Variants in SIPA1L1 observed in about 807,000 individuals in gnomAD.
SIPA1L1 encodes signal induced proliferation associated 1 like 1.
A neutral mutation model predicts 162.7 loss-of-function variants in SIPA1L1; 26 were observed. The observed-to-expected ratio is 0.16, with a 90% CI of 0.12 to 0.22. The LOEUF is 0.22. Ranked by LOEUF, SIPA1L1 falls within the 10% of genes least tolerant of loss-of-function variation. SIPA1L1 has a pLI of 1.00. For synonymous variants in SIPA1L1, 829 were observed against 837.4 expected (o/e 0.99, Z 0.17); for missense variants, 1,874 against 2,241.0 (o/e 0.84, Z 3.31).
chr14:71,401,286 G>C (rs887676261), intron 2 of SIPA1L1, among the ~76,000 whole-genome samples: 1 of 151,950 alleles, frequency 6.6e-6, no homozygotes, highest in African/African-American at 2.4e-5. Context: ...ACACTGACTT[G>C]GCTAGTTTTA....
chr14:71,325,905 A>G (rs957297254), intron 2 of SIPA1L1, among the ~76,000 whole-genome samples: 1 of 152,138 alleles, frequency 6.6e-6, no homozygotes, highest in Non-Finnish European at 1.5e-5. Flanking sequence ...CCTTTTTCCA[A>G]TTCAGGAAAG....
chr14:71,532,015 G>C (rs1234480955), intron 4 of SIPA1L1, among the ~76,000 whole-genome samples: 1 of 151,138 alleles, frequency 6.6e-6, no homozygotes, highest in African/African-American at 2.4e-5. Context: ...TATAATTTCT[G>C]TTTTGTTTTT....
At chr14:71,620,327 C>T in intron 6 of SIPA1L1, among the ~76,000 whole-genome samples, 1 of 152,206 alleles carries the variant, frequency 6.6e-6, no homozygotes, top group Non-Finnish European at 1.5e-5. Flanking sequence ...CCTCGGCCTC[C>T]CAAAGTGCTG....
At chr14:71,709,740 T>A (rs2082727475) in intron 17 of SIPA1L1, 76 bp downstream of exon 17, 1 of 1,227,062 alleles carries the variant, frequency 8.1e-7, no homozygotes, top group Non-Finnish European at 1.1e-6. Context: ...CACTTTACTT[T>A]GCTCAATAGT....
intron 7 of SIPA1L1, among the ~76,000 whole-genome samples, chr14:71,643,809 G>A (rs1178498843): frequency 6.6e-6 from 1 of 152,156 alleles, no homozygotes; most frequent in Non-Finnish European, 1.5e-5. Flanking sequence ...GTTTTTGTGT[G>A]TGTGTTTTTT....
chr14:71,609,665 C>T (rs933504878), intron 5 of SIPA1L1, among the ~76,000 whole-genome samples: 4 of 151,936 alleles, frequency 2.6e-5, no homozygotes, highest in African/African-American at 9.7e-5. Context: ...AGGGGTTTCA[C>T]CATGTTGGCC....
At chr14:71,498,235 A>G (rs1288404098) in intron 2 of SIPA1L1, among the ~76,000 whole-genome samples, 4 of 152,192 alleles carry the variant, frequency 2.6e-5, no homozygotes, top group South Asian at 2.1e-4. Context: ...CTTGATAACA[A>G]AGTCATTGTA....
intron 2 of SIPA1L1, among the ~76,000 whole-genome samples, chr14:71,445,552 C>G (rs1462318438): frequency 2.0e-5 from 3 of 152,018 alleles, no homozygotes; most frequent in Non-Finnish European, 4.4e-5. Context: ...GATAATCTCT[C>G]TCAAATCGGT....
intron 2 of SIPA1L1, among the ~76,000 whole-genome samples, chr14:71,455,398 G>A (rs1413652411): frequency 1.3e-5 from 2 of 151,852 alleles, no homozygotes; most frequent in Admixed American, 6.6e-5. Context: ...GCTTATTCCC[G>A]CTGTCTGTAT....
Position 71,531,007 on chromosome 14 carries a change from A to G in SIPA1L1, c.-303+1637A>G, listed in dbSNP as rs114392081. On this transcript the variant is annotated intron_variant, in intron 4 of 23. Coordinates refer to ENST00000381232, the MANE Select transcript of SIPA1L1 (RefSeq NM_001386936.1). ...GAATGTTTTAGGTTTTGAATGGTCA[A>G]TGAGTTTGAACCAACATGCTGATAG... Among the ~76,000 whole-genome samples the G allele has an allele frequency of 7.4e-3, 1,125 of 152,322 alleles. 17 individuals carry two copies. Among genetic ancestry groups the G allele is most frequent in the African/African-American group, 0.025 (1,058 of 41,562 alleles).
At chr14:71,339,607 G>T (rs1290710168) in intron 2 of SIPA1L1, among the ~76,000 whole-genome samples, 2 of 151,968 alleles carry the variant, frequency 1.3e-5, no homozygotes, top group Non-Finnish European at 2.9e-5. Flanking sequence ...CAGGTAATCC[G>T]CCTGCCTCAG....
chr14:71,738,443 G>A (rs922686974), intron 23 of SIPA1L1, 118 bp downstream of exon 23: 7 of 636,150 alleles, frequency 1.1e-5, no homozygotes, highest in Non-Finnish European at 1.9e-5. Context: ...GTGCCTGCAT[G>A]TGTTTGGGGA....
At chr14:71,391,693 T>A (rs2040773767) in intron 2 of SIPA1L1, among the ~76,000 whole-genome samples, 2 of 152,212 alleles carry the variant, frequency 1.3e-5, no homozygotes, top group South Asian at 4.1e-4. Flanking sequence ...ATGGGGGTTC[T>A]TTTTGTCGTC....
chr14:71,725,388 A>G (rs540690289), intron 19 of SIPA1L1, among the ~76,000 whole-genome samples: 132 of 152,284 alleles, frequency 8.7e-4, no homozygotes, highest in African/African-American at 3.1e-3. Context: ...CAATCCAGCA[A>G]TCTAAGTCTA....
At chr14:71,467,862 A>AAT in intron 2 of SIPA1L1, among the ~76,000 whole-genome samples, 1 of 151,810 alleles carries the variant, frequency 6.6e-6, no homozygotes, top group East Asian at 1.9e-4. Context: ...TAAAAAAAAA[A>AAT]AAAAAAAGAA....
chr14:71,530,309 G>A (rs1009763038), intron 4 of SIPA1L1, among the ~76,000 whole-genome samples: 8 of 152,058 alleles, frequency 5.3e-5, no homozygotes, highest in Non-Finnish European at 1.5e-5. Context: ...AAAGACATGA[G>A]AATAAAATAT....
At chr14:71,728,061 C>T (rs1017624103) in intron 19 of SIPA1L1, among the ~76,000 whole-genome samples, 3 of 152,184 alleles carry the variant, frequency 2.0e-5, no homozygotes, top group Non-Finnish European at 4.4e-5. Flanking sequence ...GGGTTTCACA[C>T]CTGTAAAACC....
intron 7 of SIPA1L1, among the ~76,000 whole-genome samples, chr14:71,629,996 C>CCATTT (rs1173429278): frequency 6.6e-6 from 1 of 152,166 alleles, no homozygotes; most frequent in Admixed American, 6.5e-5. Context: ...GTTTGACTAG[C>CCATTT]CATTTTCTCT....
At chr14:71,622,249 T>C (rs996688448) in intron 6 of SIPA1L1, among the ~76,000 whole-genome samples, 1 of 152,254 alleles carries the variant, frequency 6.6e-6, no homozygotes, top group Admixed American at 6.5e-5. Flanking sequence ...AAAGAAGATA[T>C]ATACCTTTGT....
Sources: allele counts gnomAD v4.1 joint callset (sites outside exome capture counted in the v4.1 genomes callset), GRCh38; gene constraint gnomAD v4.1.1; transcripts MANE v1.5; gene names NCBI Gene and HGNC (gene_info 2026-07-23, HGNC 2026-07-21).